ST6GALNAC2: variants seen among roughly 807,000 people sequenced by gnomAD.
The protein encoded by ST6GALNAC2 is alpha-N-acetylgalactosaminide alpha-2,6-sialyltransferase 2.
Under a neutral mutation model 38.7 loss-of-function variants are expected in ST6GALNAC2, and 42 were observed. The ratio of observed to expected loss-of-function variants is 1.09; its 90% CI spans 0.85 to 1.40. The LOEUF is 1.40. Ranked by LOEUF, ST6GALNAC2 falls within the 40% of genes most tolerant of loss-of-function variation. ST6GALNAC2 has a pLI of 0.00. For synonymous variants in ST6GALNAC2, 233 were observed against 209.0 expected, an observed-to-expected ratio of 1.11 and a Z score of -0.99; for missense variants, 506 against 481.7, an observed-to-expected ratio of 1.05 and a Z score of -0.47.
rs745694326 is a variant in ST6GALNAC2, at chr17:76,567,587, T to C, written c.858-35A>G. The C allele has an allele frequency of 3.6e-6, 5 of 1,392,258 alleles. No individual in the cohort carries two copies. In the South Asian group the frequency reaches 4.6e-5, roughly 13 times the overall value. 86.2% of individuals were successfully genotyped at this position (1,392,258 alleles called of 1,614,324 possible). ...AAAAGAGACATTTCAGCTCACTAGC[T>C]TGATGGCTATCATCACACTTCACAA... On this transcript the variant is annotated intron_variant, in intron 7 of 8. Coordinates refer to ENST00000225276, the MANE Select transcript of ST6GALNAC2 (RefSeq NM_006456.3).
intron 2 of ST6GALNAC2, among the ~76,000 whole-genome samples, chr17:76,576,654 G>A (rs1458988398): frequency 1.3e-5 from 2 of 151,954 alleles, no homozygotes; most frequent in African/African-American, 4.8e-5. Flanking sequence ...TTAACCTAGA[G>A]TTTTCACTGA....
chr17:76,566,137 G>T lies in ST6GALNAC2; in HGVS notation c.1092C>A (p.His364Gln). The T allele has an allele frequency of 1.2e-6, 2 of 1,614,132 alleles. No homozygotes were observed. Among genetic ancestry groups the T allele is most frequent in the Non-Finnish European group, 1.7e-6 (2 of 1,180,028 alleles). Residue 364 changes from histidine (H) to glutamine (Q), a missense_variant, in exon 9 of 9, where the codon CAC becomes CAA. Transcript: ENST00000225276. ...GGTACAGCTGAAGGATGCCGGCCTT[G>T]TGCAGGTCCCTCCACAGGGCAGCTT... Reference protein sequence around the residue: ...SLEAALWRDLHKAGILQLYQR With the variant: ...SLEAALWRDLQKAGILQLYQR
At chr17:76,572,523 C>A (rs1055523822) in intron 5 of ST6GALNAC2, 114 bp downstream of exon 5, 7 of 1,264,822 alleles carry the variant, frequency 5.5e-6, no homozygotes, top group Non-Finnish European at 7.7e-6. Context: ...AATCCTGGCA[C>A]CCCCTCAGCA....
chr17:76,567,683 T>A, intron 7 of ST6GALNAC2, 131 bp from the exon 8 acceptor site: 3 of 619,464 alleles, frequency 4.8e-6, no homozygotes, highest in Non-Finnish European at 5.8e-6. Flanking sequence ...CTTTATTCGG[T>A]CCAAGTGGAC....
intron 2 of ST6GALNAC2, 109 bp downstream of exon 2, chr17:76,578,647 A>G (rs1450224481): frequency 2.8e-6 from 3 of 1,066,256 alleles, no homozygotes; most frequent in Non-Finnish European, 4.2e-6. Flanking sequence ...GGCGTTCCAA[A>G]GAGCTCCTGC....
chr17:76,584,338 G>A (rs552649414), intron 1 of ST6GALNAC2, among the ~76,000 whole-genome samples: 11 of 151,994 alleles, frequency 7.2e-5, no homozygotes, highest in African/African-American at 2.7e-4. Flanking sequence ...TGGAAGCACA[G>A]GCATGCACCA....
chr17:76,573,176 CAGCTCCTA>C lies in ST6GALNAC2; in HGVS notation c.530+11_530+18del. 3 of 1,600,748 alleles carry C rather than the reference CAGCTCCTA, an allele frequency of 1.9e-6. No homozygotes were observed. The highest frequency in any genetic ancestry group is 1.7e-6 in the Non-Finnish European group (2 of 1,172,866). On this transcript the variant is annotated intron_variant, in intron 4 of 8. Transcript: ENST00000225276. This position sits in a 1 kb window ranked among gnomAD's most constrained non-coding sequence, Gnocchi z 5.1. The stretch of plus-strand genomic sequence containing the variant: ...GGCAACTCTCCCTCCCGCCCCTCCC[CAGCTCCTA>C]CCCCTCATACCTGAATACATAGTCA...
intron 1 of ST6GALNAC2, among the ~76,000 whole-genome samples, chr17:76,579,896 C>A (rs987421494): frequency 6.6e-6 from 1 of 152,162 alleles, no homozygotes; most frequent in Admixed American, 6.5e-5. Flanking sequence ...TGTAAATGAT[C>A]CAACTCAGGT....
rs78732372 is a variant in ST6GALNAC2, at chr17:76,573,528, T to C, written c.362-165A>G. 0.01 allele frequency among the ~76,000 whole-genome samples: 1,581 copies of C among 151,992 alleles called. 15 individuals are homozygous for C. The highest frequency in any genetic ancestry group is 0.032 in the African/African-American group (1,325 of 41,442). The stretch of plus-strand genomic sequence containing the variant: ...GAAGGAGATGTCTGTGGGGGGAGAA[T>C]TGAAAAGCTGACAGTGGAAGAGGGG... On this transcript the variant is annotated intron_variant, in intron 3 of 8. Transcript: ENST00000225276. The surrounding 1 kb of genome is among the most constrained non-coding windows in gnomAD (Gnocchi z 5.1).
Position 76,572,767 on chromosome 17 carries a change from C to T in ST6GALNAC2, c.539G>A (p.Gly180Glu), listed in dbSNP as rs747913348. 1.2e-6 allele frequency: 2 copies of T among 1,614,122 alleles called. No homozygotes were observed. The highest frequency in any genetic ancestry group is 1.7e-6 in the Non-Finnish European group (2 of 1,180,014). ...DAHDYVFRLN[G>E]AVIKGFERDV... ...GCGCTCGAAGCCTTTGATCACAGCT[C>T]CATTGAGTCTGGTTGGCACAGAGGC... Residue 180 changes from glycine to glutamate, a missense_variant, in exon 5 of 9, where the codon GGA (glycine) becomes GAA (glutamate). Gly to Glu is a moderately conservative substitution (Grantham distance 98). Transcript: ENST00000225276.
intron 2 of ST6GALNAC2, among the ~76,000 whole-genome samples, chr17:76,576,762 G>A (rs2075420221): frequency 6.6e-6 from 1 of 152,230 alleles, no homozygotes; most frequent in African/African-American, 2.4e-5. Flanking sequence ...CCTAAGTTCA[G>A]GGGTTTGAGA....
At chr17:76,578,937 T>A in intron 1 of ST6GALNAC2, 121 bp from the exon 2 acceptor site, 1 of 763,068 alleles carries the variant, frequency 1.3e-6, no homozygotes, top group Non-Finnish European at 2.1e-6. Flanking sequence ...CCCATCGTGG[T>A]GGCTCACATC....
Position 76,568,810 on chromosome 17 carries a change from T to C in ST6GALNAC2, c.774-14A>G, listed in dbSNP as rs556203385. On this transcript the variant is annotated splice_polypyrimidine_tract_variant and intron_variant, in intron 6 of 8. Transcript: ENST00000225276. ...TAGGCGTGCGGCCTAGGACCCATGA[T>C]AGAAGTGGACAGAGCGCCCAGAGCC... 466 of 1,612,150 alleles carry C rather than the reference T, an allele frequency of 2.9e-4. 3 individuals carry two copies. The South Asian group carries it at 4.8e-3, about 17-fold the overall frequency.
chr17:76,570,964 G>A, intron 5 of ST6GALNAC2: 1 of 286,734 alleles, frequency 3.5e-6, no homozygotes, highest in Non-Finnish European at 6.7e-6. Flanking sequence ...TTAGAGACTA[G>A]GTCATAAAAG....
chr17:76,585,334 T>C (rs2075532716), intron 1 of ST6GALNAC2, among the ~76,000 whole-genome samples: 1 of 151,948 alleles, frequency 6.6e-6, no homozygotes, highest in African/African-American at 2.4e-5. Flanking sequence ...AAAAAGGAAG[T>C]TTTTATCTGC....
At chr17:76,581,736 G>A (rs921736213) in intron 1 of ST6GALNAC2, among the ~76,000 whole-genome samples, 5 of 152,298 alleles carry the variant, frequency 3.3e-5, no homozygotes, top group East Asian at 3.9e-4. Flanking sequence ...CTGGGAGGGC[G>A]TAGGAAGGGG....
chr17:76,568,588 G>A lies in ST6GALNAC2; in HGVS notation c.857+125C>T, dbSNP rs538356197. 2,140 of 875,366 alleles carry A rather than the reference G, an allele frequency of 2.4e-3. 27 individuals are homozygous for A. Among genetic ancestry groups the A allele is most frequent in the South Asian group, 0.018 (1,245 of 69,356 alleles). 54.2% of individuals were successfully genotyped at this position (875,366 alleles called of 1,614,324 possible). A position where few individuals can be genotyped will look rare whatever the true frequency, so the allele number is the denominator to read the frequency against. On this transcript the variant is annotated intron_variant, in intron 7 of 8. Coordinates refer to ENST00000225276, the MANE Select transcript of ST6GALNAC2 (RefSeq NM_006456.3). ...TGACAGTGCTTTGCACACAGCACTC[G>A]GGACAGTGGAGCTCTGGTTATCGGT...
At chr17:76,566,714 AG>A (rs2075288196) in intron 8 of ST6GALNAC2, among the ~76,000 whole-genome samples, 2 of 141,152 alleles carry the variant, frequency 1.4e-5, no homozygotes, top group South Asian at 2.2e-4. Context: ...AAAAAAAAAA[AG>A]AGCTGGGCGT....
chr17:76,580,674 C>T (rs1431948729), intron 1 of ST6GALNAC2, among the ~76,000 whole-genome samples: 2 of 151,430 alleles, frequency 1.3e-5, no homozygotes, highest in African/African-American at 2.4e-5. Flanking sequence ...AAGGGGAGAT[C>T]GCACCACTGC....
Sources: gnomAD v4.1 joint callset for allele counts (sites outside exome capture counted in the v4.1 genomes callset) on GRCh38, gnomAD v4.1.1 for gene constraint, Gnocchi (gnomAD v3.1) non-coding constraint, MANE v1.5 for transcripts, NCBI Gene and HGNC (gene_info 2026-07-23, HGNC 2026-07-21) for gene names.